SLC26A9: variants seen among roughly 807,000 people sequenced by gnomAD.
SLC26A9 encodes the protein solute carrier family 26 member 9, also known as anion transporter/exchanger protein 9.
A neutral mutation model predicts 87.1 loss-of-function variants in SLC26A9; 46 were observed. The observed-to-expected ratio is 0.53, with a 90% CI of 0.42 to 0.67. The LOEUF is 0.67. Among genes scored for constraint, SLC26A9 ranks in the 30% least tolerant of loss-of-function variants. The probability of loss-of-function intolerance (pLI) is 0.00; values close to 1 mark genes in which losing one functional copy is unlikely to be tolerated. For synonymous variants in SLC26A9, 437 were observed against 409.1 expected (o/e 1.07, Z -0.82); for missense variants, 927 against 1,018.3 (o/e 0.91, Z 1.22).
At position 205,918,834 on chromosome 1, in the gene SLC26A9, C is replaced by G; in HGVS notation, c.2256+6G>C. 3 of 1,612,328 alleles carry G rather than the reference C, an allele frequency of 1.9e-6. No homozygotes were observed. Among genetic ancestry groups the G allele is most frequent in the Non-Finnish European group, 2.5e-6 (3 of 1,178,482 alleles). ...GCCTAGGATTCCCCAGGTGCAAGAA[C>G]CTTACCCCTTGGAAGTTGTGTCCTG... On this transcript the variant is annotated splice_donor_region_variant and intron_variant, in intron 19 of 20. Coordinates refer to ENST00000367135, the MANE Select transcript of SLC26A9 (RefSeq NM_052934.4).
chr1:205,922,955 C>T (rs1475711678), intron 16 of SLC26A9, 127 bp downstream of exon 16: 3 of 788,872 alleles, frequency 3.8e-6, no homozygotes, highest in East Asian at 4.9e-5. Context: ...AGGCAGTGTT[C>T]CCAGAGACTT....
At chr1:205,936,122 A>G (rs1019774207) in intron 1 of SLC26A9, among the ~76,000 whole-genome samples, 2 of 151,888 alleles carry the variant, frequency 1.3e-5, no homozygotes, top group Non-Finnish European at 2.9e-5. Flanking sequence ...CATCACCCCC[A>G]CTGAGCACCA....
chr1:205,928,678 A>T (rs1558125173), intron 8 of SLC26A9, 149 bp downstream of exon 8: 5 of 719,360 alleles, frequency 7.0e-6, no homozygotes, highest in Non-Finnish European at 1.1e-5. Context: ...CCTTCTCAGG[A>T]AACGGTAATA....
chr1:205,934,748 A>G (rs906040773), intron 2 of SLC26A9, among the ~76,000 whole-genome samples: 2 of 152,178 alleles, frequency 1.3e-5, no homozygotes, highest in African/African-American at 2.4e-5. Flanking sequence ...TTGTGCCCTA[A>G]AGTCTTGGGC....
intron 16 of SLC26A9, 138 bp downstream of exon 16, chr1:205,922,944 C>G: frequency 1.4e-6 from 1 of 733,884 alleles, no homozygotes; most frequent in East Asian, 2.5e-5. Flanking sequence ...CAGCGGCCAC[C>G]AGGCAGTGTT....
chr1:205,928,871 C>T lies in SLC26A9; in HGVS notation c.909G>A (p.Met303Ile). The change falls in exon 8 of 21, where the codon ATG becomes ATA. Residue 303 changes from methionine (M) to isoleucine (I), a missense_variant. Physicochemically the swap from Met to Ile is conservative, Grantham distance 10 (BLOSUM62 1). Transcript: ENST00000367135. ...VATAISGGCK[M>I]PKKYHMQIVG... The stretch of plus-strand genomic sequence containing the variant: ...CGATCTGCATGTGATACTTTTTGGG[C>T]ATCTTACAGCCCCCGGAGATAGCTG... 1 of 1,614,120 alleles carries T rather than the reference C, an allele frequency of 6.2e-7. No homozygotes were observed.
intron 20 of SLC26A9, among the ~76,000 whole-genome samples, chr1:205,916,560 C>A (rs1183682374): frequency 6.6e-6 from 1 of 152,208 alleles, no homozygotes; most frequent in Non-Finnish European, 1.5e-5. Context: ...ACAGTAGGTA[C>A]GCCATAAATA....
chr1:205,922,766 G>C (rs969423881), intron 16 of SLC26A9, among the ~76,000 whole-genome samples: 1 of 152,204 alleles, frequency 6.6e-6, no homozygotes, highest in Non-Finnish European at 1.5e-5. Flanking sequence ...AGCTGGGTGT[G>C]GTGGCACCTG....
chr1:205,939,119 T>C (rs1441995547), intron 1 of SLC26A9, among the ~76,000 whole-genome samples: 1 of 152,216 alleles, frequency 6.6e-6, no homozygotes, highest in Non-Finnish European at 1.5e-5. Context: ...TTCACAATCC[T>C]GAGTTTGCAT....
In SLC26A9 at chr1:205,928,919, C is replaced by A; in HGVS notation, c.871-10G>T. The A allele has an allele frequency of 6.2e-7, 1 of 1,614,090 alleles. No homozygotes were observed. The highest frequency in any genetic ancestry group is 8.5e-7 in the Non-Finnish European group (1 of 1,179,996). On this transcript the variant is annotated splice_polypyrimidine_tract_variant and intron_variant, in intron 7 of 20. Transcript: ENST00000367135. ...CTGTTGCCACCACCACCTGCAAACC[C>A]CAGAGTGGAGAATGGGGATTGGCCC...
rs761502242 is a variant in SLC26A9 at position 205,929,925 on chromosome 1, G to A, written c.684C>T (p.Ile228=). The A allele has an allele frequency of 1.4e-5, 23 of 1,611,734 alleles. No homozygotes were observed. Among genetic ancestry groups the A allele is most frequent in the Non-Finnish European group, 1.9e-5 (22 of 1,178,028 alleles). Residue 228 remains isoleucine, a synonymous_variant, in exon 6 of 21, where the codon ATC becomes ATT. Coordinates refer to ENST00000367135, the MANE Select transcript of SLC26A9 (RefSeq NM_052934.4). ...TGGACCCTGGGCCTGTGTAGGAGGG[G>A]ATGGTCAGTCCGAAGATGTACTTGA... is the stretch of plus-strand genomic sequence containing the variant. The part of the protein sequence containing the change: ...SVLKYIFGLT[I]PSYTGPGSIV...
At position 205,931,864 on chromosome 1, in the gene SLC26A9, A is replaced by G. The variant is rs1303773081; in HGVS notation, c.548T>C (p.Ile183Thr). 2.5e-6 allele frequency: 4 copies of G among 1,612,644 alleles called. No homozygotes were observed. The African/African-American group carries it at 5.3e-5, about 22-fold the overall frequency. Residue 183 changes from isoleucine to threonine, a missense_variant, in exon 5 of 21, where the codon ATC becomes ACC. Ile to Thr is a moderately conservative substitution (Grantham distance 89). Coordinates refer to ENST00000367135, the MANE Select transcript of SLC26A9 (RefSeq NM_052934.4). ...GGTTGGGGGCTGCCCCCTCACCTGG[A>G]TGATGGCGGTGAGGCAGGCTAGCGT... is the stretch of plus-strand genomic sequence containing the variant. ...SATLACLTAI[I>T]QMGLGFMQFG...
At chr1:205,915,516 A>G in intron 20 of SLC26A9, 112 bp from the exon 21 acceptor site, 4 of 1,200,596 alleles carry the variant, frequency 3.3e-6, no homozygotes, top group Admixed American at 4.1e-5. Context: ...AGAACAAAGC[A>G]CCTGTGTGTG....
At chr1:205,917,173 G>A in intron 20 of SLC26A9, 110 bp downstream of exon 20, 1 of 972,320 alleles carries the variant, frequency 1.0e-6, no homozygotes, top group Non-Finnish European at 1.6e-6. Context: ...GAATGTGACT[G>A]CTCTGGGCTG....
intron 8 of SLC26A9, 184 bp from the exon 9 acceptor site, chr1:205,928,233 A>T (rs895232783): frequency 2.4e-5 from 17 of 715,868 alleles, no homozygotes; most frequent in Non-Finnish European, 3.8e-5. Context: ...CTCCTGTTTT[A>T]CAAAGGAGGA....
At chr1:205,938,873 C>T (rs113880752) in intron 1 of SLC26A9, among the ~76,000 whole-genome samples, 54 of 152,312 alleles carry the variant, frequency 3.5e-4, no homozygotes, top group African/African-American at 1.1e-3. Context: ...GGGAGGAAAG[C>T]GGCAGGGGTG....
intron 9 of SLC26A9, 128 bp from the exon 10 acceptor site, chr1:205,927,733 C>T (rs1659135618): frequency 7.2e-7 from 1 of 1,384,284 alleles, no homozygotes; most frequent in East Asian, 2.3e-5. Context: ...TAAAGTCACA[C>T]ATTCCCAGTC....
At chr1:205,931,375 G>C (rs12042328) in intron 5 of SLC26A9, among the ~76,000 whole-genome samples, 111,879 of 151,898 alleles carry the variant, frequency 0.74, 41,641 homozygotes, top group East Asian at 0.94. Context: ...TTGTATGGTC[G>C]TGCTACATGC....
chr1:205,936,174 A>AGCAG (rs1265063408), intron 1 of SLC26A9, among the ~76,000 whole-genome samples: 1 of 152,182 alleles, frequency 6.6e-6, no homozygotes, highest in Non-Finnish European at 1.5e-5. Flanking sequence ...CACTTGATTC[A>AGCAG]GCAGGTGGAC....
Sources: gnomAD v4.1 joint callset for allele counts (sites outside exome capture counted in the v4.1 genomes callset) on GRCh38, gnomAD v4.1.1 for gene constraint, MANE v1.5 for transcripts, NCBI Gene and HGNC (gene_info 2026-07-23, HGNC 2026-07-21) for gene names.